Variants in NUMA1 observed in about 807,000 individuals in gnomAD.
NUMA1 encodes the protein SP-H antigen.
A neutral mutation model predicts 237.1 loss-of-function variants in NUMA1; 62 were observed. The observed-to-expected ratio is 0.26, with a 90% confidence interval of 0.21 to 0.32. The LOEUF is 0.32. NUMA1 is among the 10% of genes least tolerant of loss of function. NUMA1 has a pLI of 1.00. For synonymous variants in NUMA1, 1,028 were observed against 1,066.1 expected, an observed-to-expected ratio of 0.96 and a Z score of 0.70; for missense variants, 2,533 against 2,666.5, an observed-to-expected ratio of 0.95 and a Z score of 1.10.
At chr11:72,020,853 C>T (rs900908540) in intron 8 of NUMA1, 1 of 173,578 alleles carries the variant, frequency 5.8e-6, no homozygotes, top group South Asian at 1.4e-4. Context: ...GCCTGGGCGA[C>T]AGAGAGAGAC....
intron 6 of NUMA1, 87 bp downstream of exon 6, chr11:72,022,978 T>C: frequency 1.1e-6 from 1 of 905,742 alleles, no homozygotes; most frequent in South Asian, 1.4e-5. Flanking sequence ...TCATCTCCCC[T>C]TGGGTTAAGA....
intron 17 of NUMA1, 37 bp from the exon 18 acceptor site, chr11:72,009,424 C>T (rs540470188): frequency 3.2e-5 from 50 of 1,569,056 alleles, no homozygotes; most frequent in Middle Eastern, 4.2e-4. Context: ...CTGGTCTGGC[C>T]GCTCTACCCA....
At chr11:72,057,952 T>A (rs1473357171) in intron 2 of NUMA1, among the ~76,000 whole-genome samples, 1 of 149,438 alleles carries the variant, frequency 6.7e-6, no homozygotes, top group Non-Finnish European at 1.5e-5. Flanking sequence ...GCGCCTGTAA[T>A]CCCAGCTACT....
chr11:72,012,322 G>T, intron 16 of NUMA1, 79 bp downstream of exon 16: 1 of 1,386,136 alleles, frequency 7.2e-7, no homozygotes, highest in Non-Finnish European at 1.0e-6. Flanking sequence ...GCTGGCGGAG[G>T]CAAGCTGCAG....
chr11:72,004,557 G>C, intron 24 of NUMA1, 83 bp downstream of exon 24: 2 of 1,427,748 alleles, frequency 1.4e-6, no homozygotes, highest in South Asian at 1.3e-5. Context: ...GGGAAGGAGA[G>C]AGAAGGCTCC....
intron 2 of NUMA1, chr11:72,049,288 G>GA: frequency 6.6e-6 from 1 of 152,106 alleles, no homozygotes; most frequent in South Asian, 2.1e-4. Context: ...CATAGTGGTA[G>GA]AAAACATAGT....
rs1477688862 is a variant in NUMA1 at position 72,012,394 on chromosome 11, G to T, written c.4650+7C>A. ...AGCCAGCATTTAGCGAGGACCTCAG[G>T]CATTACCTGCTTAGTTTGCTCTCTC... On this transcript the variant is annotated splice_region_variant and intron_variant, in intron 16 of 26. Transcript: ENST00000393695. 4 of 1,612,464 alleles carry T rather than the reference G, an allele frequency of 2.5e-6. No homozygotes were observed. Among genetic ancestry groups the T allele is most frequent in the Admixed American group, 3.3e-5 (2 of 59,930 alleles).
At chr11:72,003,559 T>C in intron 26 of NUMA1, 21 bp from the exon 27 acceptor site, 1 of 1,614,164 alleles carries the variant, frequency 6.2e-7, no homozygotes, top group Non-Finnish European at 8.5e-7. Flanking sequence ...CACAGTCACA[T>C]GGCCAGATGA....
chr11:72,012,548 G>A (rs1565203168), intron 15 of NUMA1, 106 bp from the exon 16 acceptor site: 1 of 1,083,438 alleles, frequency 9.2e-7, no homozygotes. Context: ...TTCCCCTAAG[G>A]AGCTAGATTG....
chr11:72,074,130 G>A (rs959108278), intron 1 of NUMA1, among the ~76,000 whole-genome samples: 15 of 151,904 alleles, frequency 9.9e-5, no homozygotes, highest in Admixed American at 2.0e-4. Flanking sequence ...GGAGGCAGAG[G>A]TTGCAGTGAG....
rs946237870 is a variant in NUMA1, at chr11:72,004,556, A to C, written c.6006+84T>G. ...AGAGAGGGGGAAGTGAGGGAAGGAGAGAGAAGGCTCCCTTTAGTCCTTGGT... is the reference window on the plus strand; with the variant it reads ...AGAGAGGGGGAAGTGAGGGAAGGAGCGAGAAGGCTCCCTTTAGTCCTTGGT... On this transcript the variant is annotated intron_variant, in intron 24 of 26. Coordinates refer to ENST00000393695, the MANE Select transcript of NUMA1 (RefSeq NM_006185.4). 4.9e-6 allele frequency: 7 copies of C among 1,414,770 alleles called. No homozygotes were observed. In the African/African-American group the frequency reaches 8.6e-5, roughly 17 times the overall value. The allele number at this position is 1,414,770 out of a possible 1,614,324, so 87.6% of individuals were successfully genotyped here.
At chr11:72,006,993 C>G (rs1955765932) in intron 21 of NUMA1, among the ~76,000 whole-genome samples, 196 bp downstream of exon 21, 1 of 152,236 alleles carries the variant, frequency 6.6e-6, no homozygotes, top group Non-Finnish European at 1.5e-5. Context: ...AGGCAGGGAT[C>G]TAATCCTAGC....
intron 19 of NUMA1, 41 bp from the exon 20 acceptor site, chr11:72,008,886 A>G: frequency 1.2e-6 from 2 of 1,613,442 alleles, no homozygotes; most frequent in South Asian, 1.1e-5. Flanking sequence ...AGAAAAGCCT[A>G]AGGCAGCAGT....
chr11:72,030,169 A>G (rs1390118708), intron 3 of NUMA1, among the ~76,000 whole-genome samples: 2 of 151,878 alleles, frequency 1.3e-5, no homozygotes, highest in Non-Finnish European at 2.9e-5. Context: ...ACCCTGTCCT[A>G]CAAAAAATAC....
At chr11:72,073,765 T>C (rs1943574388) in intron 1 of NUMA1, among the ~76,000 whole-genome samples, 1 of 152,210 alleles carries the variant, frequency 6.6e-6, no homozygotes, top group Non-Finnish European at 1.5e-5. Flanking sequence ...GAACCCAGAA[T>C]GCTTGGATTA....
chr11:72,015,254 T>C lies in NUMA1; in HGVS notation c.2249A>G (p.His750Arg), dbSNP rs765716633. 6.2e-7 allele frequency: 1 copy of C among 1,613,670 alleles called. No individual in the cohort carries two copies. The highest frequency in any genetic ancestry group is 8.5e-7 in the Non-Finnish European group (1 of 1,180,028). The change falls in exon 15 of 27, where the codon CAT (histidine) becomes CGT (arginine). Residue 750 changes from histidine (H) to arginine (R), a missense_variant. Around this residue, in one of 3 missense-constraint regions of NUMA1, gnomAD observed 1,414 missense variants for 1,508.1 expected, o/e 0.94. Transcript: ENST00000393695. This position sits in a 1 kb window ranked among gnomAD's most constrained non-coding sequence, Gnocchi z 4.0. Reference protein sequence around the residue: ...KAETRSLVEQHKRERKELEEE... With the variant: ...KAETRSLVEQRKRERKELEEE... ...TTCCAGCTCCTTTCGTTCCCGCTTATGCTGCTCCACCAGGCTTCGGGTCTC... is the reference window on the plus strand; with the variant it reads ...TTCCAGCTCCTTTCGTTCCCGCTTACGCTGCTCCACCAGGCTTCGGGTCTC...
chr11:72,022,349 T>C lies in NUMA1; in HGVS notation c.362A>G (p.Tyr121Cys). Residue 121 changes from tyrosine (Y) to cysteine (C), a missense_variant, in exon 7 of 27, where the codon TAT (tyrosine) becomes TGT (cysteine). Physicochemically the swap from Tyr to Cys is radical, Grantham distance 194. Around this residue, in one of 3 missense-constraint regions of NUMA1, gnomAD observed 1,414 missense variants for 1,508.1 expected, o/e 0.94. Transcript: ENST00000393695. ...KSPRDWEQFE[Y>C]KIQAELAVIL... ...GGCACAAGGGCTTACCTGAATTTTA[T>C]ATTCAAACTGTTCCCAGTCCCTGGG... 1 of 1,612,346 alleles carries C rather than the reference T, an allele frequency of 6.2e-7. No homozygotes were observed. The highest frequency in any genetic ancestry group is 8.5e-7 in the Non-Finnish European group (1 of 1,178,550).
In NUMA1 at chr11:72,013,395, G is replaced by C. The variant is rs756457507; in HGVS notation, c.4108C>G (p.Leu1370Val). The change falls in exon 15 of 27, where the codon CTG becomes GTG. Residue 1370 changes from leucine (L) to valine (V), a missense_variant. This residue lies in a region of NUMA1 where 324 missense variants were observed against 407.6 expected (regional missense o/e 0.79). Coordinates refer to ENST00000393695, the MANE Select transcript of NUMA1 (RefSeq NM_006185.4). This position sits in a 1 kb window ranked among gnomAD's most constrained non-coding sequence, Gnocchi z 6.8. ...TCGGCAGCGGCCTGCTCGGCCTGCA[G>C]CTGCTGGCAGAGGTGCTTAGCTGGC... Reference protein sequence around the residue: ...LLPAKHLCQQLQAEQAAAEKR... With the variant: ...LLPAKHLCQQVQAEQAAAEKR... The C allele has an allele frequency of 3.3e-5, 54 of 1,612,342 alleles. No individual in the cohort carries two copies. The highest frequency in any genetic ancestry group is 4.2e-5 in the Non-Finnish European group (49 of 1,179,924).
chr11:72,035,227 G>A lies in NUMA1; in HGVS notation c.42+675C>T, dbSNP rs916089997. The stretch of plus-strand genomic sequence containing the variant: ...CCACTGTCTCTGGTAGAAAATGTAT[G>A]AATGATCTAGCAAAAGAATTTTGAT... On this transcript the variant is annotated intron_variant, in intron 3 of 26. Coordinates refer to ENST00000393695, the MANE Select transcript of NUMA1 (RefSeq NM_006185.4). 2.0e-4 allele frequency among the ~76,000 whole-genome samples: 30 copies of A among 152,064 alleles called. 1 individual carries two copies. The highest frequency in any genetic ancestry group is 6.6e-5 in the Admixed American group (1 of 15,256).
Sources: gnomAD v4.1 joint callset for allele counts (sites outside exome capture counted in the v4.1 genomes callset) on GRCh38, gnomAD v4.1.1 for gene constraint, gnomAD v4.1.1 regional missense constraint, Gnocchi (gnomAD v3.1) non-coding constraint, MANE v1.5 for transcripts, NCBI Gene and HGNC (gene_info 2026-07-23, HGNC 2026-07-21) for gene names.